Variants in ATRNL1 observed in about 807,000 individuals in gnomAD.
The protein encoded by ATRNL1 is attractin-like protein 1.
A neutral mutation model predicts 182.7 loss-of-function variants in ATRNL1; 95 were observed. The observed-to-expected ratio is 0.52, with a 90% CI of 0.44 to 0.62. The LOEUF (loss-of-function observed/expected upper bound fraction) is 0.62. ATRNL1 is among the 20% of genes least tolerant of loss of function. The pLI is 0.00. For missense variants in ATRNL1, 1,471 were observed against 1,679.5 expected, an observed-to-expected ratio of 0.88 and a Z score of 2.17; for synonymous variants, 576 against 568.3, an observed-to-expected ratio of 1.01 and a Z score of -0.19.
intron 24 of ATRNL1, among the ~76,000 whole-genome samples, chr10:115,489,307 C>G (rs1554975910): frequency 6.6e-6 from 1 of 152,058 alleles, no homozygotes; most frequent in Non-Finnish European, 1.5e-5. Flanking sequence ...CTTGATCTGT[C>G]TAATATTGAC....
chr10:115,256,615 G>A (rs903172918), intron 10 of ATRNL1, among the ~76,000 whole-genome samples: 3 of 152,050 alleles, frequency 2.0e-5, no homozygotes, highest in Non-Finnish European at 4.4e-5. Context: ...TTTTTGAAGG[G>A]TTATTTGTGT....
At chr10:115,694,887 T>A (rs1390495927) in intron 26 of ATRNL1, among the ~76,000 whole-genome samples, 1 of 150,818 alleles carries the variant, frequency 6.6e-6, no homozygotes, top group Admixed American at 6.6e-5. Context: ...TTCCTGTTTT[T>A]TTTTTTTTAC....
chr10:115,380,485 A>C (rs1265757205), intron 19 of ATRNL1, among the ~76,000 whole-genome samples: 2 of 152,086 alleles, frequency 1.3e-5, no homozygotes, highest in African/African-American at 4.8e-5. Flanking sequence ...ACCCCCCTCT[A>C]AAAAGCCCTC....
chr10:115,108,677 C>T (rs1554866897), intron 1 of ATRNL1, among the ~76,000 whole-genome samples: 2 of 152,130 alleles, frequency 1.3e-5, no homozygotes, highest in Admixed American at 6.5e-5. Context: ...ATGGAGCCAC[C>T]ATTTTGAAAA....
In ATRNL1 at chr10:115,307,994, C is replaced by T. The variant is rs187454183; in HGVS notation, c.2818+5951C>T. On this transcript the variant is annotated intron_variant, in intron 17 of 28. Transcript: ENST00000355044. ...GTCTTTAAAATATTTTTATACTTATCAACAAAACTTTGTATTGGAAGTGGT... is the reference window on the plus strand; with the variant it reads ...GTCTTTAAAATATTTTTATACTTATTAACAAAACTTTGTATTGGAAGTGGT... Among the ~76,000 whole-genome samples, 445 of 152,170 alleles carry T rather than the reference C, an allele frequency of 2.9e-3. 4 individuals are homozygous for T. Among genetic ancestry groups the T allele is most frequent in the Middle Eastern group, 0.024 (7 of 294 alleles).
chr10:115,468,362 C>G (rs1254701737), intron 23 of ATRNL1, among the ~76,000 whole-genome samples: 3 of 150,688 alleles, frequency 2.0e-5, no homozygotes, highest in Non-Finnish European at 4.5e-5. Context: ...GACCAAATCT[C>G]AGAAATTTTT....
chr10:115,509,579 A>G (rs1850283490), intron 24 of ATRNL1, among the ~76,000 whole-genome samples: 1 of 151,930 alleles, frequency 6.6e-6, no homozygotes, highest in African/African-American at 2.4e-5. Flanking sequence ...ACCTTTCACC[A>G]TGATTCTAAG....
chr10:115,385,758 T>C (rs1186436298), intron 19 of ATRNL1, among the ~76,000 whole-genome samples: 3 of 152,214 alleles, frequency 2.0e-5, no homozygotes, highest in African/African-American at 7.2e-5. Context: ...GTTGTGATAC[T>C]GGTTCCTTTT....
chr10:115,354,782 C>T (rs1444191761), intron 19 of ATRNL1, among the ~76,000 whole-genome samples: 4 of 152,058 alleles, frequency 2.6e-5, no homozygotes, highest in African/African-American at 9.7e-5. Context: ...CTTTCTACCC[C>T]GGTCTTTTTC....
chr10:115,231,685 C>A (rs1554900049), intron 9 of ATRNL1, among the ~76,000 whole-genome samples: 1 of 151,906 alleles, frequency 6.6e-6, no homozygotes, highest in Non-Finnish European at 1.5e-5. Flanking sequence ...GAGTGGTAAA[C>A]CTTACCTAGG....
At chr10:115,501,472 T>G (rs540303708) in intron 24 of ATRNL1, among the ~76,000 whole-genome samples, 2 of 152,308 alleles carry the variant, frequency 1.3e-5, no homozygotes, top group Non-Finnish European at 2.9e-5. Context: ...GTTTGATTCC[T>G]TAAAAGAAAG....
intron 24 of ATRNL1, among the ~76,000 whole-genome samples, chr10:115,472,576 T>C (rs751507442): frequency 2.6e-5 from 4 of 151,140 alleles, no homozygotes; most frequent in South Asian, 4.1e-4. Context: ...GTTAAACTTA[T>C]TCTTAAGTAT....
chr10:115,455,007 C>G (rs574652489), intron 21 of ATRNL1, among the ~76,000 whole-genome samples: 63 of 152,180 alleles, frequency 4.1e-4, no homozygotes, highest in African/African-American at 1.5e-3. Flanking sequence ...AGCTTTTTAT[C>G]ATTGCATATG....
chr10:115,153,432 A>C (rs1164053144), intron 5 of ATRNL1, among the ~76,000 whole-genome samples: 1 of 152,116 alleles, frequency 6.6e-6, no homozygotes, highest in African/African-American at 2.4e-5. Context: ...TTCCTGGTTT[A>C]GTCTTGGGAG....
chr10:115,937,971 C>T (rs1306112878), intron 28 of ATRNL1, among the ~76,000 whole-genome samples: 1 of 152,162 alleles, frequency 6.6e-6, no homozygotes, highest in Non-Finnish European at 1.5e-5. Context: ...ACCTTTCACA[C>T]CTAATGAAGC....
At chr10:115,883,549 A>G (rs1951875861) in intron 28 of ATRNL1, among the ~76,000 whole-genome samples, 1 of 152,286 alleles carries the variant, frequency 6.6e-6, no homozygotes, top group Non-Finnish European at 1.5e-5. Flanking sequence ...GGTATACCGT[A>G]ATGGAATAAA....
chr10:115,778,433 AAAG>A (rs1423224127), intron 27 of ATRNL1, among the ~76,000 whole-genome samples: 1 of 152,236 alleles, frequency 6.6e-6, no homozygotes, highest in Non-Finnish European at 1.5e-5. Flanking sequence ...ATAGTTGTAT[AAAG>A]GAGGATAAGT....
intron 1 of ATRNL1, among the ~76,000 whole-genome samples, chr10:115,109,309 A>T (rs1351738486): frequency 1.3e-5 from 2 of 152,146 alleles, no homozygotes; most frequent in African/African-American, 2.4e-5. Flanking sequence ...AGAATACTTG[A>T]GACCTAGTGA....
At chr10:115,408,623 T>G (rs629968) in intron 20 of ATRNL1, among the ~76,000 whole-genome samples, 57,941 of 152,052 alleles carry the variant, frequency 0.38, 12,218 homozygotes, top group African/African-American at 0.57. Flanking sequence ...TTTTGAAGTC[T>G]TATTCATAAA....
Sources: allele counts gnomAD v4.1 joint callset (sites outside exome capture counted in the v4.1 genomes callset), GRCh38; gene constraint gnomAD v4.1.1; transcripts MANE v1.5; gene names NCBI Gene and HGNC (gene_info 2026-07-23, HGNC 2026-07-21).